ROBO1: variants seen among roughly 807,000 people sequenced by gnomAD.
The protein encoded by ROBO1 is roundabout guidance receptor 1, also known as roundabout homolog 1.
ROBO1 carries 149 observed loss-of-function variants against 195.9 expected under a neutral mutation model. The ratio of observed to expected loss-of-function variants is 0.76; its 90% confidence interval spans 0.67 to 0.87. ROBO1 has a LOEUF of 0.87. Among genes scored for constraint, ROBO1 ranks in the 40% least tolerant of loss-of-function variants. The pLI, the probability that ROBO1 is intolerant of heterozygous loss-of-function variation, is 0.00. For missense variants in ROBO1, 1,933 were observed against 2,068.3 expected, an observed-to-expected ratio of 0.93 and a Z score of 1.27; for synonymous variants, 816 against 733.2, an observed-to-expected ratio of 1.11 and a Z score of -1.82.
chr3:78,837,577 T>C (rs2032850162), intron 4 of ROBO1, among the ~76,000 whole-genome samples: 1 of 152,014 alleles, frequency 6.6e-6, no homozygotes, highest in African/African-American at 2.4e-5. Context: ...TGCAATTAAG[T>C]AGGAAAAGAA....
At chr3:78,848,995 G>A (rs1469371484) in intron 4 of ROBO1, among the ~76,000 whole-genome samples, 1 of 152,096 alleles carries the variant, frequency 6.6e-6, no homozygotes, top group Non-Finnish European at 1.5e-5. Context: ...TTAAAGTAGA[G>A]ATGGCAGAAT....
intron 5 of ROBO1, among the ~76,000 whole-genome samples, chr3:78,721,433 A>G (rs980531418): frequency 1.3e-5 from 2 of 152,224 alleles, no homozygotes; most frequent in Non-Finnish European, 2.9e-5. Context: ...TATTAGTTCT[A>G]TAACTTTGGA....
At chr3:79,442,591 G>A (rs2039094368) in intron 2 of ROBO1, among the ~76,000 whole-genome samples, 1 of 152,102 alleles carries the variant, frequency 6.6e-6, no homozygotes, top group Non-Finnish European at 1.5e-5. Context: ...GGCTGTGGAA[G>A]TCTCACTTCT....
intron 2 of ROBO1, among the ~76,000 whole-genome samples, chr3:79,266,846 T>C (rs1189993976): frequency 2.6e-5 from 4 of 151,594 alleles, no homozygotes; most frequent in Non-Finnish European, 5.9e-5. Flanking sequence ...TTTCAACTTT[T>C]AAAAATCCTG....
At chr3:79,317,820 A>T (rs1349584453) in intron 2 of ROBO1, among the ~76,000 whole-genome samples, 3 of 152,186 alleles carry the variant, frequency 2.0e-5, no homozygotes, top group African/African-American at 4.8e-5. Flanking sequence ...GGTTATACAC[A>T]TATATACACA....
At chr3:79,699,910 G>A (rs184776536) in intron 1 of ROBO1, among the ~76,000 whole-genome samples, 4 of 151,732 alleles carry the variant, frequency 2.6e-5, no homozygotes, top group African/African-American at 7.2e-5. Context: ...ATGATGCTCA[G>A]GTTTGGGGTA....
chr3:79,231,279 T>C (rs969165900), intron 2 of ROBO1, among the ~76,000 whole-genome samples: 5 of 152,030 alleles, frequency 3.3e-5, no homozygotes, highest in African/African-American at 1.2e-4. Flanking sequence ...AGTAAACAGA[T>C]AACCTACAAA....
chr3:78,677,136 C>T (rs775599252), intron 10 of ROBO1, among the ~76,000 whole-genome samples: 1 of 152,134 alleles, frequency 6.6e-6, no homozygotes, highest in Non-Finnish European at 1.5e-5. Context: ...GAGATTTTGT[C>T]ACCACCAGGC....
intron 2 of ROBO1, among the ~76,000 whole-genome samples, chr3:79,182,201 T>C (rs1032255393): frequency 1.3e-5 from 2 of 152,182 alleles, no homozygotes; most frequent in Non-Finnish European, 2.9e-5. Context: ...GTAGACAAAT[T>C]GCTCTTTAGC....
intron 2 of ROBO1, among the ~76,000 whole-genome samples, chr3:79,438,093 C>G (rs911983673): frequency 2.6e-5 from 4 of 151,660 alleles, no homozygotes; most frequent in Admixed American, 6.6e-5. Context: ...TCTGTCTATC[C>G]ACCTGTCTAT....
intron 1 of ROBO1, among the ~76,000 whole-genome samples, chr3:79,591,310 G>A (rs1943994195): frequency 1.3e-5 from 2 of 151,800 alleles, no homozygotes; most frequent in Admixed American, 1.3e-4. Context: ...GTCTATTTGA[G>A]TTGAGCTGTC....
At chr3:79,685,727 G>A (rs575758381) in intron 1 of ROBO1, among the ~76,000 whole-genome samples, 1 of 152,174 alleles carries the variant, frequency 6.6e-6, no homozygotes, top group Non-Finnish European at 1.5e-5. Flanking sequence ...TTGGTAAAGA[G>A]GGATGGAAAT....
chr3:78,806,751 G>T (rs2084553458), intron 4 of ROBO1, among the ~76,000 whole-genome samples: 1 of 152,000 alleles, frequency 6.6e-6, no homozygotes, highest in African/African-American at 2.4e-5. Flanking sequence ...TTCTAAAGTA[G>T]GACAATGTAA....
At position 79,680,269 on chromosome 3, in the gene ROBO1, C is replaced by T. The variant is rs1010277364; in HGVS notation, c.-51+87483G>A. Among the ~76,000 whole-genome samples the T allele has an allele frequency of 8.6e-5, 13 of 151,936 alleles. No homozygotes were observed. In the South Asian group the frequency reaches 2.3e-3, roughly 27 times the overall value. On this transcript the variant is annotated intron_variant, in intron 1 of 30. Coordinates refer to ENST00000464233, the MANE Select transcript of ROBO1 (RefSeq NM_002941.4). ...AAATTCACCCAACTCTAATGGAGCA[C>T]GCAATGCTACCATGTACCAAGGTGA...
intron 7 of ROBO1, 121 bp from the exon 8 acceptor site, chr3:78,714,645 T>C (rs2081855862): frequency 2.3e-6 from 2 of 855,704 alleles, no homozygotes; most frequent in African/African-American, 3.5e-5. Context: ...AAACAAAGAG[T>C]AAAACATGGT....
At chr3:79,382,340 G>A (rs1424908157) in intron 2 of ROBO1, among the ~76,000 whole-genome samples, 2 of 152,144 alleles carry the variant, frequency 1.3e-5, no homozygotes, top group Non-Finnish European at 2.9e-5. Flanking sequence ...AAATAGTGAT[G>A]AAGTTATAAT....
At chr3:79,611,832 A>G (rs2107924113) in intron 1 of ROBO1, among the ~76,000 whole-genome samples, 1 of 152,146 alleles carries the variant, frequency 6.6e-6, no homozygotes, top group South Asian at 2.1e-4. Context: ...GCACGTGTAT[A>G]CCTATGGAAA....
intron 2 of ROBO1, among the ~76,000 whole-genome samples, chr3:79,291,742 A>G (rs1164451223): frequency 2.0e-5 from 3 of 152,078 alleles, no homozygotes; most frequent in Admixed American, 6.6e-5. Flanking sequence ...ACTACCACAT[A>G]CCTTCAGAAA....
intron 3 of ROBO1, among the ~76,000 whole-genome samples, chr3:79,074,393 C>G (rs2079136585): frequency 6.6e-6 from 1 of 151,808 alleles, no homozygotes; most frequent in Non-Finnish European, 1.5e-5. Flanking sequence ...TTTGGTTTAT[C>G]AAGTTCAAAC....
Sources: allele counts gnomAD v4.1 joint callset (sites outside exome capture counted in the v4.1 genomes callset), GRCh38; gene constraint gnomAD v4.1.1; transcripts MANE v1.5; gene names NCBI Gene and HGNC (gene_info 2026-07-23, HGNC 2026-07-21).